Variants in TAPBPL observed in about 807,000 individuals in gnomAD.
TAPBPL encodes TAP binding protein like, also known as tapasin-related protein.
TAPBPL carries 32 observed loss-of-function variants against 44.8 expected under a neutral mutation model. That is an observed-to-expected ratio of 0.71 (90% CI 0.54 to 0.96). The LOEUF (loss-of-function observed/expected upper bound fraction) is 0.96, where lower values mean the gene tolerates loss of function less well. Ranked by LOEUF, TAPBPL falls within the 40% of genes least tolerant of loss-of-function variation. TAPBPL has a pLI of 0.00. For missense variants in TAPBPL, 520 were observed against 586.6 expected, an observed-to-expected ratio of 0.89 and a Z score of 1.17; for synonymous variants, 230 against 240.7, an observed-to-expected ratio of 0.96 and a Z score of 0.41.
At chr12:6,463,260 G>C, downstream of TAPBPL, 9 of 1,363,638 alleles carry the variant, frequency 6.6e-6, no homozygotes, top group Non-Finnish European at 8.5e-6. The surrounding 1 kb of genome is among the most constrained non-coding windows in gnomAD (Gnocchi z 4.0). Flanking sequence ...CGGCTCTCAA[G>C]GAGAGGGCCC....
chr12:6,453,280 T>C lies in TAPBPL; in HGVS notation c.278T>C (p.Ile93Thr). Residue 93 changes from isoleucine to threonine, a missense_variant, in exon 2 of 7, where the codon ATT becomes ACT. Coordinates refer to ENST00000266556, the MANE Select transcript of TAPBPL (RefSeq NM_018009.5). This position sits in a 1 kb window ranked among gnomAD's most constrained non-coding sequence, Gnocchi z 4.8. ...GGTLAQDDPPIIFEASVDLVQ... is the reference protein window; with the variant it reads ...GGTLAQDDPPTIFEASVDLVQ... ...ACACTGGCCCAAGATGACCCACCTA[T>C]TATCTTTGAGGCCTCAGGTAAAAGC... 6.2e-7 allele frequency: 1 copy of C among 1,613,936 alleles called. No homozygotes were observed. Among genetic ancestry groups the C allele is most frequent in the Non-Finnish European group, 8.5e-7 (1 of 1,179,954 alleles).
downstream of TAPBPL, among the ~76,000 whole-genome samples, chr12:6,468,542 A>G (rs141232892): frequency 2.5e-3 from 375 of 152,336 alleles, 4 homozygotes; most frequent in South Asian, 0.021. Flanking sequence ...AATGCTAGAA[A>G]TTGTCCTCAA....
downstream of TAPBPL, among the ~76,000 whole-genome samples, chr12:6,470,003 A>T (rs1404936768): frequency 6.6e-6 from 1 of 152,184 alleles, no homozygotes; most frequent in Non-Finnish European, 1.5e-5. Flanking sequence ...GAGAACTGGC[A>T]GATAAGTTTC....
Position 6,453,638 on chromosome 12 carries a change from A to G in TAPBPL, c.487A>G (p.Arg163Gly), listed in dbSNP as rs1949624654. 4.3e-6 allele frequency: 7 copies of G among 1,613,900 alleles called. No homozygotes were observed. The East Asian group carries it at 1.3e-4, about 31-fold the overall frequency. Residue 163 changes from arginine to glycine, a missense_variant, in exon 3 of 7, where the codon AGG (arginine) becomes GGG (glycine). Transcript: ENST00000266556. The surrounding 1 kb of genome is among the most constrained non-coding windows in gnomAD (Gnocchi z 4.8). The stretch of plus-strand genomic sequence containing the variant: ...CATCTCCTTGGTGATGAAGACTCCC[A>G]GGGTCACCAAGAATGAGGCGCTCTG... ...PSISLVMKTPRVTKNEALWHP... is the reference protein window; with the variant it reads ...PSISLVMKTPGVTKNEALWHP...
chr12:6,459,064 A>C, intron 5 of TAPBPL, 117 bp downstream of exon 5: 2 of 1,196,310 alleles, frequency 1.7e-6, no homozygotes, highest in Non-Finnish European at 2.3e-6. Flanking sequence ...CCCTGGCTTC[A>C]TGCTCCTGCC....
intron 3 of TAPBPL, among the ~76,000 whole-genome samples, chr12:6,454,154 C>T (rs1949643246): frequency 6.6e-6 from 1 of 152,140 alleles, no homozygotes; most frequent in Non-Finnish European, 1.5e-5. Context: ...ACCCCTAGGC[C>T]TTGGTCCTTT....
At chr12:6,470,636 T>C (rs1289375841), downstream of TAPBPL, 8 of 1,487,222 alleles carry the variant, frequency 5.4e-6, no homozygotes, top group Non-Finnish European at 7.4e-6. Context: ...AAGCTCCGCC[T>C]CGCGCCGACT....
chr12:6,465,083 T>C (rs1000101316), downstream of TAPBPL: 37 of 1,206,734 alleles, frequency 3.1e-5, no homozygotes, highest in Non-Finnish European at 3.9e-5. Context: ...GCAGGCCTCT[T>C]AGAGAGGCCC....
chr12:6,463,374 G>A (rs1470167177), downstream of TAPBPL: 8 of 1,089,976 alleles, frequency 7.3e-6, no homozygotes, highest in East Asian at 7.4e-5. The surrounding 1 kb of genome is among the most constrained non-coding windows in gnomAD (Gnocchi z 4.0). Flanking sequence ...CCTGAGGATC[G>A]GCCGGGCCCC....
chr12:6,453,245 C>A lies in TAPBPL; in HGVS notation c.243C>A (p.Phe81Leu). The A allele has an allele frequency of 6.2e-6, 10 of 1,614,062 alleles. No individual in the cohort carries two copies. Among genetic ancestry groups the A allele is most frequent in the Non-Finnish European group, 8.5e-6 (10 of 1,180,000 alleles). ...DDGSLEDFTD[F>L]QGGTLAQDDP... ...GCTCCCTGGAGGACTTCACCGATTT[C>A]CAAGGGGGCACACTGGCCCAAGATG... The change falls in exon 2 of 7, where the codon TTC becomes TTA. Residue 81 changes from phenylalanine to leucine, a missense_variant. Phe to Leu is a conservative substitution (Grantham distance 22, BLOSUM62 0). Transcript: ENST00000266556. The surrounding 1 kb of genome is among the most constrained non-coding windows in gnomAD (Gnocchi z 4.8).
rs1410789721 is a variant in TAPBPL, at chr12:6,453,081, G to A, written c.79G>A (p.Glu27Lys). The stretch of plus-strand genomic sequence containing the variant: ...TTTGTCTGCAGAGCCCCACCCAGCA[G>A]AGGGGCAGTGGCGGGCAGTGGACGT... Reference protein sequence around the residue: ...GAAETKPHPAEGQWRAVDVVL... With the variant: ...GAAETKPHPAKGQWRAVDVVL... Residue 27 changes from glutamate to lysine, a missense_variant, in exon 2 of 7, where the codon GAG (glutamate) becomes AAG (lysine). Transcript: ENST00000266556. The surrounding 1 kb of genome is among the most constrained non-coding windows in gnomAD (Gnocchi z 4.8). The A allele has an allele frequency of 1.9e-6, 3 of 1,580,198 alleles. No individual in the cohort carries two copies. The highest frequency in any genetic ancestry group is 2.6e-6 in the Non-Finnish European group (3 of 1,163,812).
intron 6 of TAPBPL, 29 bp downstream of exon 6, chr12:6,460,967 C>A (rs1228727561): frequency 6.2e-7 from 1 of 1,613,382 alleles, no homozygotes; most frequent in Non-Finnish European, 8.5e-7. Context: ...TTGGCTCTGG[C>A]CCTGGCCCAC....
At chr12:6,471,107 G>T (rs12422771), downstream of TAPBPL, 24,046 of 156,226 alleles carry the variant, frequency 0.15, 2,175 homozygotes, top group Non-Finnish European at 0.21. The surrounding 1 kb of genome is among the most constrained non-coding windows in gnomAD (Gnocchi z 4.0). Flanking sequence ...CAGCCCTGGT[G>T]CCCTGCTCTG....
Position 6,453,096 on chromosome 12 carries a change from G to T in TAPBPL, c.94G>T (p.Ala32Ser). ...KPHPAEGQWR[A>S]VDVVLDCFLA... ...CCACCCAGCAGAGGGGCAGTGGCGGGCAGTGGACGTGGTCCTAGACTGCTT... is the reference window on the plus strand; with the variant it reads ...CCACCCAGCAGAGGGGCAGTGGCGGTCAGTGGACGTGGTCCTAGACTGCTT... The change falls in exon 2 of 7, where the codon GCA (alanine) becomes TCA (serine). Residue 32 changes from alanine to serine, a missense_variant. Ala to Ser is a moderately conservative substitution (Grantham distance 99). Coordinates refer to ENST00000266556, the MANE Select transcript of TAPBPL (RefSeq NM_018009.5). This position sits in a 1 kb window ranked among gnomAD's most constrained non-coding sequence, Gnocchi z 4.8. 1 of 1,577,576 alleles carries T rather than the reference G, an allele frequency of 6.3e-7. No individual in the cohort carries two copies. The highest frequency in any genetic ancestry group is 1.8e-4 in the Middle Eastern group (1 of 5,654).
At chr12:6,458,548 C>T in intron 4 of TAPBPL, 97 bp from the exon 5 acceptor site, 2 of 1,453,644 alleles carry the variant, frequency 1.4e-6, no homozygotes, top group South Asian at 1.3e-5. Flanking sequence ...GTAGCCTCCA[C>T]AATCTACTCT....
At chr12:6,451,933 G>C, upstream of TAPBPL, 1 of 434,702 alleles carries the variant, frequency 2.3e-6, no homozygotes, top group Non-Finnish European at 4.2e-6. Context: ...TTTTGGGACA[G>C]GTGGGGAGCA....
intron 4 of TAPBPL, among the ~76,000 whole-genome samples, chr12:6,458,152 C>T (rs1391220406): frequency 2.0e-5 from 3 of 152,134 alleles, no homozygotes; most frequent in East Asian, 1.9e-4. Context: ...CTTTGGGAGG[C>T]GGATCACGAG....
At chr12:6,465,221 TA>T, downstream of TAPBPL, 1 of 482,906 alleles carries the variant, frequency 2.1e-6, no homozygotes, top group Admixed American at 2.8e-5. Context: ...GGCATTCCAA[TA>T]GAGATACAGA....
In TAPBPL at chr12:6,453,014, G is replaced by T; in HGVS notation, c.65-53G>T. On this transcript the variant is annotated intron_variant, in intron 1 of 6. Transcript: ENST00000266556. This position sits in a 1 kb window ranked among gnomAD's most constrained non-coding sequence, Gnocchi z 4.8. ...GCTTGAGGGCGGGGGCAGGAAGCAA[G>T]TGTGGAGTAGCTTTCTGGGGAAGGC... 1 of 1,512,722 alleles carries T rather than the reference G, an allele frequency of 6.6e-7. No individual in the cohort carries two copies. Among genetic ancestry groups the T allele is most frequent in the Non-Finnish European group, 8.9e-7 (1 of 1,119,636 alleles). The allele number at this position is 1,512,722 out of a possible 1,614,324, so 93.7% of individuals were successfully genotyped here.
Sources: allele counts gnomAD v4.1 joint callset (sites outside exome capture counted in the v4.1 genomes callset), GRCh38; gene constraint gnomAD v4.1.1; non-coding constraint Gnocchi (gnomAD v3.1); transcripts MANE v1.5; gene names NCBI Gene and HGNC (gene_info 2026-07-23, HGNC 2026-07-21).